PACRG: variants seen among roughly 807,000 people sequenced by gnomAD.
PACRG encodes the protein parkin coregulated gene protein.
A neutral mutation model predicts 29.7 loss-of-function variants in PACRG; 29 were observed. The observed-to-expected ratio is 0.98, with a 90% CI of 0.73 to 1.33. The LOEUF is 1.33. Among genes scored for constraint, PACRG ranks in the 40% most tolerant of loss-of-function variants. The pLI is 0.00. For synonymous variants in PACRG, 116 were observed against 118.7 expected (o/e 0.98, Z 0.15); for missense variants, 279 against 316.2 (o/e 0.88, Z 0.89).
At chr6:162,976,116 G>A (rs547453360) in intron 2 of PACRG, among the ~76,000 whole-genome samples, 19 of 152,246 alleles carry the variant, frequency 1.2e-4, no homozygotes, top group Non-Finnish European at 2.5e-4. Context: ...CCTGAAACCC[G>A]GAGGCCGTGA....
intron 4 of PACRG, among the ~76,000 whole-genome samples, chr6:163,298,961 T>C (rs1465204899): frequency 2.0e-5 from 3 of 152,196 alleles, no homozygotes; most frequent in African/African-American, 7.2e-5. Context: ...GCCCCCCAAG[T>C]CCATCTCTAC....
intron 2 of PACRG, among the ~76,000 whole-genome samples, chr6:162,956,494 G>A (rs1800045702): frequency 6.6e-6 from 1 of 152,188 alleles, no homozygotes; most frequent in African/African-American, 2.4e-5. Flanking sequence ...ACAAGAAAGG[G>A]AGGCTCAAAA....
rs5881514 is a variant in PACRG at position 163,208,412 on chromosome 6, CTT to C, written c.614-106409_614-106408del. On this transcript the variant is annotated intron_variant, in intron 4 of 4. Coordinates refer to ENST00000366888, the MANE Select transcript of PACRG (RefSeq NM_001080379.2). ...AGATCAGAATCTAAGCTACATTTTA[CTT>C]TTTTTAAAAAAAAAAGATTGTCAGG... 1.8e-3 allele frequency among the ~76,000 whole-genome samples: 267 copies of C among 151,132 alleles called. 1 individual carries two copies. The highest frequency in any genetic ancestry group is 6.0e-3 in the African/African-American group (248 of 41,204).
intron 3 of PACRG, among the ~76,000 whole-genome samples, chr6:163,083,639 T>C (rs1468465780): frequency 6.6e-6 from 1 of 152,210 alleles, no homozygotes; most frequent in Admixed American, 6.5e-5. Context: ...ATGTTCATTT[T>C]TATGTATTAA....
At chr6:162,873,066 G>A (rs1214235309) in intron 2 of PACRG, among the ~76,000 whole-genome samples, 1 of 152,150 alleles carries the variant, frequency 6.6e-6, no homozygotes, top group African/African-American at 2.4e-5. Flanking sequence ...TAACCCAGAT[G>A]CCAGAGATGA....
At position 163,252,216 on chromosome 6, in the gene PACRG, C is replaced by T. The variant is rs112913799; in HGVS notation, c.614-62611C>T. ...AGACAGGCCTGGTGCACGTGAGGGC[C>T]GCAGCCCCTGCTGCTGTGAGCACGC... On this transcript the variant is annotated intron_variant, in intron 4 of 4. Coordinates refer to ENST00000366888, the MANE Select transcript of PACRG (RefSeq NM_001080379.2). Among the ~76,000 whole-genome samples, 224 of 152,316 alleles carry T rather than the reference C, an allele frequency of 1.5e-3. 4 individuals are homozygous for T. The highest frequency in any genetic ancestry group is 0.014 in the South Asian group (68 of 4,826).
chr6:163,307,369 T>C (rs1423628151), intron 4 of PACRG, among the ~76,000 whole-genome samples: 4 of 152,210 alleles, frequency 2.6e-5, no homozygotes, highest in African/African-American at 9.7e-5. Flanking sequence ...ACTTCAAAGC[T>C]TTTATCTTCA....
chr6:163,290,353 G>C (rs1029638453), intron 4 of PACRG, among the ~76,000 whole-genome samples: 8 of 151,756 alleles, frequency 5.3e-5, no homozygotes, highest in Non-Finnish European at 1.2e-4. Context: ...TCTTAATGGG[G>C]ATTGGGTTAC....
chr6:163,150,788 C>T (rs762347556), intron 4 of PACRG, among the ~76,000 whole-genome samples: 1 of 152,134 alleles, frequency 6.6e-6, no homozygotes, highest in Admixed American at 6.5e-5. Context: ...GGTCACTAGA[C>T]CACTGAAAGG....
intron 4 of PACRG, among the ~76,000 whole-genome samples, chr6:163,215,064 A>AT (rs200656567): frequency 8.6e-5 from 13 of 150,978 alleles, no homozygotes; most frequent in South Asian, 6.3e-4. Flanking sequence ...CCCATTTGTA[A>AT]TTTTTTTTTA....
chr6:162,962,565 TG>T (rs1800714896), intron 2 of PACRG, among the ~76,000 whole-genome samples: 1 of 144,344 alleles, frequency 6.9e-6, no homozygotes, highest in East Asian at 2.1e-4. Flanking sequence ...TGTGTTCTTA[TG>T]GGAAGAAGAA....
rs553079420 is a variant in PACRG, at chr6:162,911,797, C to T, written c.291+97516C>T. On this transcript the variant is annotated intron_variant, in intron 2 of 4. Transcript: ENST00000366888. ...CAAGTGATAATGCTGTGACCTAGGG[C>T]TAGTGGCAGCTGAGCTTTGGACACT... Among the ~76,000 whole-genome samples the T allele has an allele frequency of 3.9e-5, 6 of 152,256 alleles. No individual in the cohort carries two copies. The East Asian group carries it at 5.8e-4, about 15-fold the overall frequency.
chr6:163,267,892 A>T (rs949420320), intron 4 of PACRG, among the ~76,000 whole-genome samples: 1 of 152,214 alleles, frequency 6.6e-6, no homozygotes, highest in Non-Finnish European at 1.5e-5. Flanking sequence ...CAGATCTGAG[A>T]AATAAAACAA....
At chr6:162,766,110 A>G (rs996108218) in intron 1 of PACRG, among the ~76,000 whole-genome samples, 2 of 152,190 alleles carry the variant, frequency 1.3e-5, no homozygotes, top group Non-Finnish European at 2.9e-5. Context: ...ATTTAAAAAT[A>G]TGTAATACAT....
chr6:163,132,986 T>A (rs1052987051), intron 4 of PACRG, among the ~76,000 whole-genome samples: 1 of 152,212 alleles, frequency 6.6e-6, no homozygotes, highest in Non-Finnish European at 1.5e-5. Context: ...TTACAGTGTA[T>A]GAGTTAGGTT....
intron 4 of PACRG, among the ~76,000 whole-genome samples, chr6:163,284,244 C>T (rs1296403211): frequency 3.9e-5 from 6 of 152,212 alleles, no homozygotes; most frequent in African/African-American, 1.4e-4. Context: ...TGCCATCCTG[C>T]ATAAAAACAA....
chr6:162,896,223 C>T (rs1470890568), intron 2 of PACRG, among the ~76,000 whole-genome samples: 1 of 152,230 alleles, frequency 6.6e-6, no homozygotes, highest in Non-Finnish European at 1.5e-5. Flanking sequence ...TTACTGCTGC[C>T]TCTTTCTACC....
intron 2 of PACRG, among the ~76,000 whole-genome samples, chr6:163,004,737 T>TATACACAC (rs1269987576): frequency 7.4e-6 from 1 of 135,526 alleles, no homozygotes; most frequent in African/African-American, 3.1e-5. Flanking sequence ...TATATATATA[T>TATACACAC]ACACACACAC....
At chr6:163,027,312 A>T (rs1209852236) in intron 2 of PACRG, among the ~76,000 whole-genome samples, 1 of 152,100 alleles carries the variant, frequency 6.6e-6, no homozygotes, top group Non-Finnish European at 1.5e-5. Flanking sequence ...TCATCTTTTA[A>T]TACTGAGCAG....
Sources: gnomAD v4.1 joint callset for allele counts (sites outside exome capture counted in the v4.1 genomes callset) on GRCh38, gnomAD v4.1.1 for gene constraint, MANE v1.5 for transcripts, NCBI Gene and HGNC (gene_info 2026-07-23, HGNC 2026-07-21) for gene names.